Variants in SLC9A9 observed in about 807,000 individuals in gnomAD.
SLC9A9 encodes sodium/hydrogen exchanger 9.
SLC9A9 carries 62 observed loss-of-function variants against 77.8 expected under a neutral mutation model. The ratio of observed to expected loss-of-function variants is 0.80; its 90% CI spans 0.65 to 0.98. The LOEUF is 0.98. Among genes scored for constraint, SLC9A9 ranks in the 50% least tolerant of loss-of-function variants. SLC9A9 has a pLI of 0.00. For synonymous variants in SLC9A9, 320 were observed against 283.5 expected, an observed-to-expected ratio of 1.13 and a Z score of -1.29; for missense variants, 775 against 774.9, an observed-to-expected ratio of 1.00 and a Z score of 0.00.
At chr3:143,809,969 A>C (rs1420634301) in intron 2 of SLC9A9, among the ~76,000 whole-genome samples, 1 of 152,216 alleles carries the variant, frequency 6.6e-6, no homozygotes, top group Non-Finnish European at 1.5e-5. Flanking sequence ...GTCATACTAC[A>C]AAAGGTGTGA....
intron 14 of SLC9A9, among the ~76,000 whole-genome samples, chr3:143,334,594 T>C (rs1361911483): frequency 1.3e-5 from 2 of 152,186 alleles, no homozygotes; most frequent in African/African-American, 4.8e-5. Context: ...CCTTACCTCA[T>C]AATGTTATTG....
chr3:143,795,621 A>G (rs1267052042), intron 3 of SLC9A9, among the ~76,000 whole-genome samples: 1 of 152,164 alleles, frequency 6.6e-6, no homozygotes, highest in Non-Finnish European at 1.5e-5. Context: ...AATTCCAGCA[A>G]TTTGGGAGGC....
chr3:143,493,570 G>T, intron 11 of SLC9A9, 83 bp downstream of exon 11: 1 of 1,266,244 alleles, frequency 7.9e-7, no homozygotes, highest in Non-Finnish European at 1.2e-6. Flanking sequence ...CCCCAAAAGG[G>T]TTCTAAATTT....
chr3:143,784,616 C>T (rs567678381), intron 4 of SLC9A9, among the ~76,000 whole-genome samples: 1 of 151,948 alleles, frequency 6.6e-6, no homozygotes, highest in Non-Finnish European at 1.5e-5. Flanking sequence ...GCCTCAGCCT[C>T]CCGAAGTGCT....
At chr3:143,406,805 G>T (rs1223110640) in intron 12 of SLC9A9, among the ~76,000 whole-genome samples, 5 of 151,674 alleles carry the variant, frequency 3.3e-5, no homozygotes, top group African/African-American at 4.8e-5. Flanking sequence ...GCAAAACCCT[G>T]TCTCTACTAA....
chr3:143,820,910 T>TA (rs2009150489), intron 2 of SLC9A9, among the ~76,000 whole-genome samples: 1 of 151,556 alleles, frequency 6.6e-6, no homozygotes, highest in Non-Finnish European at 1.5e-5. Context: ...TTGTCTTATT[T>TA]TTTTTTTTTT....
Position 143,557,416 on chromosome 3 carries a change from G to A in SLC9A9, c.1001-4966C>T, listed in dbSNP as rs112618807. ...TTTTATAAGGATATCCAGAAATGTC[G>A]ATGCAACTTTGGAACTGGGTAACAG... is the stretch of plus-strand genomic sequence containing the variant. On this transcript the variant is annotated intron_variant, in intron 8 of 15. Transcript: ENST00000316549. Among the ~76,000 whole-genome samples the A allele has an allele frequency of 4.8e-3, 738 of 152,246 alleles. 7 individuals are homozygous for A. The highest frequency in any genetic ancestry group is 8.9e-3 in the Non-Finnish European group (603 of 68,020).
intron 9 of SLC9A9, among the ~76,000 whole-genome samples, chr3:143,539,927 A>T (rs1436471055): frequency 6.6e-6 from 1 of 152,012 alleles, no homozygotes; most frequent in Admixed American, 6.6e-5. Flanking sequence ...CTTTTTAAGG[A>T]GTTGGGGCTC....
chr3:143,625,704 G>T (rs1203006252), intron 6 of SLC9A9, among the ~76,000 whole-genome samples: 1 of 152,102 alleles, frequency 6.6e-6, no homozygotes, highest in Non-Finnish European at 1.5e-5. Context: ...CATAAGCATG[G>T]GCAAAGACTT....
intron 2 of SLC9A9, among the ~76,000 whole-genome samples, chr3:143,831,236 T>C (rs572150388): frequency 1.3e-5 from 2 of 152,252 alleles, no homozygotes; most frequent in East Asian, 1.9e-4. Flanking sequence ...AAATAAGTGA[T>C]GTGAGATCCT....
At chr3:143,476,419 T>A (rs538859531) in intron 11 of SLC9A9, among the ~76,000 whole-genome samples, 43 of 152,362 alleles carry the variant, frequency 2.8e-4, no homozygotes, top group African/African-American at 1.0e-3. Flanking sequence ...AGAAGTTTGT[T>A]TTTAGAAGCC....
At chr3:143,711,757 G>A (rs2108796836) in intron 4 of SLC9A9, among the ~76,000 whole-genome samples, 1 of 152,072 alleles carries the variant, frequency 6.6e-6, no homozygotes, top group South Asian at 2.1e-4. Flanking sequence ...TTTCCTTATA[G>A]ATCCTGAGCT....
At chr3:143,782,331 T>A (rs137923215) in intron 4 of SLC9A9, among the ~76,000 whole-genome samples, 11 of 152,348 alleles carry the variant, frequency 7.2e-5, no homozygotes, top group African/African-American at 2.6e-4. Flanking sequence ...AGGAATTACC[T>A]AAGGCTCTTG....
At chr3:143,848,067 G>C in intron 1 of SLC9A9, 81 bp downstream of exon 1, 3 of 1,293,884 alleles carry the variant, frequency 2.3e-6, no homozygotes, top group Non-Finnish European at 3.4e-6. Context: ...CTCCAGTTTC[G>C]GTACTTTGCT....
chr3:143,642,471 C>T (rs1236212878), intron 6 of SLC9A9, among the ~76,000 whole-genome samples: 6 of 152,158 alleles, frequency 3.9e-5, no homozygotes, highest in Admixed American at 3.3e-4. Flanking sequence ...ATCTCTGTTG[C>T]TCAAATAGAC....
chr3:143,524,373 T>C (rs2036368414), intron 9 of SLC9A9, among the ~76,000 whole-genome samples: 1 of 152,008 alleles, frequency 6.6e-6, no homozygotes, highest in Non-Finnish European at 1.5e-5. Context: ...GTTGTCTCTG[T>C]CAAGCTGAGG....
At chr3:143,418,293 G>A (rs1409476844) in intron 12 of SLC9A9, among the ~76,000 whole-genome samples, 2 of 151,118 alleles carry the variant, frequency 1.3e-5, no homozygotes, top group Non-Finnish European at 2.9e-5. Context: ...GTAATGTGGG[G>A]ACAGTAATAT....
rs1204021087 is a variant in SLC9A9, at chr3:143,314,711, A to G, written c.1605-45731T>C. On this transcript the variant is annotated intron_variant, in intron 14 of 15. Transcript: ENST00000316549. ...CACAGTAGAGATGGGATGAATCCCA[A>G]TTCTTCCCTGCTAGCTGCTTGTCAC... Among the ~76,000 whole-genome samples the G allele has an allele frequency of 2.0e-5, 3 of 152,210 alleles. No homozygotes were observed. The East Asian group carries it at 5.8e-4, about 29-fold the overall frequency.
At chr3:143,571,228 T>C (rs1193556372) in intron 8 of SLC9A9, among the ~76,000 whole-genome samples, 2 of 152,232 alleles carry the variant, frequency 1.3e-5, no homozygotes, top group Non-Finnish European at 2.9e-5. Flanking sequence ...GCTCCACGAT[T>C]GCTGGTTACC....
Sources: allele counts gnomAD v4.1 joint callset (sites outside exome capture counted in the v4.1 genomes callset), GRCh38; gene constraint gnomAD v4.1.1; transcripts MANE v1.5; gene names NCBI Gene and HGNC (gene_info 2026-07-23, HGNC 2026-07-21).